The following MYT1 variants were observed in gnomAD, a reference collection of about 807,000 sequenced individuals.
The protein encoded by MYT1 is myelin transcription factor I.
MYT1 carries 23 observed loss-of-function variants against 123.0 expected under a neutral mutation model. That is an observed-to-expected ratio of 0.19 (90% confidence interval 0.13 to 0.26). The LOEUF is 0.26. MYT1 is among the 10% of genes least tolerant of loss of function. The pLI, the probability that MYT1 is intolerant of heterozygous loss-of-function variation, is 1.00. For missense variants in MYT1, 1,125 were observed against 1,472.5 expected, an observed-to-expected ratio of 0.76 and a Z score of 3.86; for synonymous variants, 518 against 575.3, an observed-to-expected ratio of 0.90 and a Z score of 1.43.
intron 1 of MYT1, among the ~76,000 whole-genome samples, chr20:64,178,811 TTGGTGGGATGCCCTTCAA>T (rs2145694574): frequency 7.4e-6 from 1 of 135,256 alleles, no homozygotes; most frequent in Admixed American, 7.2e-5. Context: ...GAGCCGTTAT[TTGGTGGGATGCCCTTCAA>T]CGTGGGAGCA....
In MYT1 at chr20:64,213,511, A is replaced by T; in HGVS notation, c.1518-23A>T. On this transcript the variant is annotated intron_variant, in intron 9 of 22. Coordinates refer to ENST00000328439, the MANE Select transcript of MYT1 (RefSeq NM_004535.3). The surrounding 1 kb of genome is among the most constrained non-coding windows in gnomAD (Gnocchi z 5.6). ...CAGGCATGGAGGGGAAGGCTCAGAA[A>T]CCCCTCCTCTTCCTTCCTCTAGTTT... 5 of 1,474,664 alleles carry T rather than the reference A, an allele frequency of 3.4e-6. No homozygotes were observed. Among genetic ancestry groups the T allele is most frequent in the Non-Finnish European group, 4.7e-6 (5 of 1,053,498 alleles). 91.3% of individuals were successfully genotyped at this position (1,474,664 alleles called of 1,614,324 possible).
intron 1 of MYT1, among the ~76,000 whole-genome samples, chr20:64,183,508 G>A (rs957040461): frequency 2.0e-5 from 3 of 152,186 alleles, no homozygotes; most frequent in African/African-American, 4.8e-5. Context: ...GAGGGTTCTT[G>A]CCAACACTTG....
In MYT1 at chr20:64,232,080, C is replaced by T; in HGVS notation, c.2676-84C>T. The T allele has an allele frequency of 7.1e-7, 1 of 1,415,674 alleles. No individual in the cohort carries two copies. The highest frequency in any genetic ancestry group is 9.8e-7 in the Non-Finnish European group (1 of 1,017,228). The allele number at this position is 1,415,674 out of a possible 1,614,324, so 87.7% of individuals were successfully genotyped here. ...CCTTTAACGGCTCTGAGTTGGGCTC[C>T]CCTTGTGTCTGGCTTGAGAGAGTCT... On this transcript the variant is annotated intron_variant, in intron 18 of 22. Coordinates refer to ENST00000328439, the MANE Select transcript of MYT1 (RefSeq NM_004535.3). This position sits in a 1 kb window ranked among gnomAD's most constrained non-coding sequence, Gnocchi z 6.9.
chr20:64,211,095 C>T (rs979627282), intron 7 of MYT1, 111 bp from the exon 8 acceptor site: 54 of 1,250,022 alleles, frequency 4.3e-5, no homozygotes, highest in Middle Eastern at 2.6e-4. Context: ...TGGGCAGTCT[C>T]GCCTCCCTTC....
chr20:64,177,537 G>GGGGCGGGGACAAGAGGGCACCCCTCTCCA (rs1569305632), intron 1 of MYT1, among the ~76,000 whole-genome samples: 43 of 136,198 alleles, frequency 3.2e-4, no homozygotes, highest in African/African-American at 1.0e-3. Context: ...AGAGGCCCTC[G>GGGGCGGGGACAAGAGGGCACCCCTCTCCA]GGGCGGGGAC....
chr20:64,180,247 T>G (rs1982613126), intron 1 of MYT1, among the ~76,000 whole-genome samples: 1 of 152,198 alleles, frequency 6.6e-6, no homozygotes, highest in Non-Finnish European at 1.5e-5. Flanking sequence ...CACACCCTTT[T>G]TCACCTAGGT....
At chr20:64,215,913 T>C (rs1383581101) in intron 10 of MYT1, among the ~76,000 whole-genome samples, 1 of 152,112 alleles carries the variant, frequency 6.6e-6, no homozygotes, top group Non-Finnish European at 1.5e-5. Context: ...AGTTTAAAGT[T>C]AGTTTTTTCC....
At chr20:64,182,626 G>A (rs541345448) in intron 1 of MYT1, among the ~76,000 whole-genome samples, 1 of 152,282 alleles carries the variant, frequency 6.6e-6, no homozygotes, top group South Asian at 2.1e-4. Context: ...GGCCTGTCTC[G>A]TGTCACTCGC....
chr20:64,199,101 C>A (rs1490450677), intron 3 of MYT1, among the ~76,000 whole-genome samples, 185 bp downstream of exon 3: 2 of 152,218 alleles, frequency 1.3e-5, no homozygotes, highest in Non-Finnish European at 2.9e-5. Flanking sequence ...TGCTGAGGGG[C>A]CTTTGGCCCA....
rs1984360263 is a variant in MYT1 at position 64,232,764 on chromosome 20, G to A, written c.2897+379G>A. On this transcript the variant is annotated intron_variant, in intron 19 of 22. Transcript: ENST00000328439. The surrounding 1 kb of genome is among the most constrained non-coding windows in gnomAD (Gnocchi z 6.9). The stretch of plus-strand genomic sequence containing the variant: ...GTTTGTCTCCTACACCTTATGCCCT[G>A]TCCCTCCCATTCATACCTTCTCAGG... Among the ~76,000 whole-genome samples the A allele has an allele frequency of 6.6e-6, 1 of 151,786 alleles. No homozygotes were observed. The highest frequency in any genetic ancestry group is 1.5e-5 in the Non-Finnish European group (1 of 67,898).
rs1403221016 is a variant in MYT1, at chr20:64,236,267, T to C, written c.2898-288T>C. On this transcript the variant is annotated intron_variant, in intron 19 of 22. Transcript: ENST00000328439. ...GTGGTGGGTGACCCTGGGATGGCGG[T>C]GGTGGGTGACCCGGGGCTGGCCGCG... 1.3e-3 allele frequency among the ~76,000 whole-genome samples: 171 copies of C among 127,504 alleles called. 2 individuals are homozygous for C. The highest frequency in any genetic ancestry group is 4.9e-3 in the African/African-American group (146 of 29,832). The allele number at this position is 127,504 out of a possible 152,430, so 83.6% of individuals were successfully genotyped here.
At chr20:64,214,590 C>T (rs2983460) in intron 10 of MYT1, among the ~76,000 whole-genome samples, 94,307 of 152,044 alleles carry the variant, frequency 0.62, 31,352 homozygotes, top group African/African-American at 0.84. Context: ...CCTTGGACCA[C>T]GGTACCCACT....
At chr20:64,220,005 G>A in intron 13 of MYT1, 23 bp downstream of exon 13, 1 of 1,445,076 alleles carries the variant, frequency 6.9e-7, no homozygotes, top group Non-Finnish European at 9.1e-7. Context: ...GCCTGGGCAA[G>A]CAGTCAGGCG....
intron 1 of MYT1, among the ~76,000 whole-genome samples, chr20:64,172,239 G>A (rs1157317994): frequency 6.6e-6 from 1 of 152,190 alleles, no homozygotes; most frequent in Non-Finnish European, 1.5e-5. Flanking sequence ...CCTGGAGCTA[G>A]GGCTGCAGTT....
Position 64,227,934 on chromosome 20 carries a change from C to A in MYT1, c.2638C>A (p.Pro880Thr), listed in dbSNP as rs547492314. The A allele has an allele frequency of 6.2e-7, 1 of 1,614,068 alleles. No homozygotes were observed. Among genetic ancestry groups the A allele is most frequent in the African/African-American group, 1.3e-5 (1 of 75,044 alleles). ...AAAGAAAAGTGGAGTCAAGGTGGCACCCACCAAGGACGACAAGGAGGACCC... is the reference window on the plus strand; with the variant it reads ...AAAGAAAAGTGGAGTCAAGGTGGCAACCACCAAGGACGACAAGGAGGACCC... ...RAKKSGVKVA[P>T]TKDDKEDPEL... The change falls in exon 18 of 23, where the codon CCC (proline) becomes ACC (threonine). Residue 880 changes from proline (P) to threonine (T), a missense_variant. Pro to Thr is a conservative substitution (Grantham distance 38, BLOSUM62 -1). Coordinates refer to ENST00000328439, the MANE Select transcript of MYT1 (RefSeq NM_004535.3).
chr20:64,165,334 G>A (rs755659425), intron 1 of MYT1, among the ~76,000 whole-genome samples: 7 of 152,142 alleles, frequency 4.6e-5, no homozygotes, highest in South Asian at 2.1e-4. Context: ...AATATCGGCC[G>A]CTCCTCTCAG....
chr20:64,170,015 G>A (rs1364727050), intron 1 of MYT1, among the ~76,000 whole-genome samples: 19 of 141,410 alleles, frequency 1.3e-4, no homozygotes, highest in Admixed American at 4.9e-4. Context: ...GAGGCTGCCC[G>A]CAGGCCACAG....
chr20:64,195,374 G>C (rs1983082375), intron 2 of MYT1, among the ~76,000 whole-genome samples: 1 of 103,876 alleles, frequency 9.6e-6, no homozygotes, highest in South Asian at 3.4e-4. Context: ...GTGTGTGTGT[G>C]TGTGTGTGTG....
Position 64,208,182 on chromosome 20 carries a change from G to C in MYT1, c.986G>C (p.Arg329Pro). 6.2e-7 allele frequency: 1 copy of C among 1,613,828 alleles called. No homozygotes were observed. Among genetic ancestry groups the C allele is most frequent in the Non-Finnish European group, 8.5e-7 (1 of 1,179,986 alleles). ...TCTGCCCAGAAGGCCCCTGAGCTCC[G>C]GGGCCCAGAATCACCCAGTCCCAAG... ...HTSAQKAPEL[R>P]GPESPSPKPE... Residue 329 changes from arginine to proline, a missense_variant, in exon 7 of 23, where the codon CGG (arginine) becomes CCG (proline). By Grantham distance (103) the Arg-to-Pro change is moderately radical. Transcript: ENST00000328439. This position sits in a 1 kb window ranked among gnomAD's most constrained non-coding sequence, Gnocchi z 5.4.
Sources: allele counts gnomAD v4.1 joint callset (sites outside exome capture counted in the v4.1 genomes callset), GRCh38; gene constraint gnomAD v4.1.1; non-coding constraint Gnocchi (gnomAD v3.1); transcripts MANE v1.5; gene names NCBI Gene and HGNC (gene_info 2026-07-23, HGNC 2026-07-21).